The following NCOA2 variants were observed in gnomAD, a reference collection of about 807,000 sequenced individuals.
The protein encoded by NCOA2 is class E basic helix-loop-helix protein 75.
Under a neutral mutation model 145.1 loss-of-function variants are expected in NCOA2, and 21 were observed. That is an observed-to-expected ratio of 0.14 (90% CI 0.10 to 0.21). NCOA2 has a LOEUF of 0.21. Ranked by LOEUF, NCOA2 falls within the 10% of genes least tolerant of loss-of-function variation. NCOA2 has a pLI of 1.00. For missense variants in NCOA2, 1,472 were observed against 1,837.6 expected (o/e 0.80, Z 3.64); for synonymous variants, 619 against 637.5 (o/e 0.97, Z 0.44).
chr8:70,303,103 A>G (rs146992049), intron 1 of NCOA2, among the ~76,000 whole-genome samples: 2 of 152,198 alleles, frequency 1.3e-5, no homozygotes, highest in East Asian at 1.9e-4. Flanking sequence ...AATTAATCTC[A>G]TATCTGTAGT....
intron 1 of NCOA2, among the ~76,000 whole-genome samples, chr8:70,364,117 C>T (rs1450723644): frequency 2.6e-5 from 4 of 151,456 alleles, no homozygotes; most frequent in Admixed American, 2.6e-4. Flanking sequence ...AAGACAAGAA[C>T]TGAAAGCAGA....
At chr8:70,228,790 G>A (rs191390245) in intron 2 of NCOA2, among the ~76,000 whole-genome samples, 23 of 152,220 alleles carry the variant, frequency 1.5e-4, no homozygotes, top group African/African-American at 4.8e-4. Flanking sequence ...ATTGCTTGAC[G>A]CCTCAGAGAC....
At chr8:70,176,515 A>G (rs1563572307) in intron 4 of NCOA2, among the ~76,000 whole-genome samples, 1 of 152,142 alleles carries the variant, frequency 6.6e-6, no homozygotes, top group Non-Finnish European at 1.5e-5. Context: ...TGAGGCGGCA[A>G]ATACCTCAGG....
intron 2 of NCOA2, among the ~76,000 whole-genome samples, chr8:70,254,264 A>G (rs960825113): frequency 2.0e-5 from 3 of 152,224 alleles, no homozygotes; most frequent in African/African-American, 7.2e-5. Context: ...GAGGATGCAG[A>G]AAAACTAGAA....
intron 2 of NCOA2, among the ~76,000 whole-genome samples, chr8:70,267,300 T>C (rs547626588): frequency 6.6e-6 from 1 of 152,186 alleles, no homozygotes; most frequent in African/African-American, 2.4e-5. Flanking sequence ...CACTCATTCA[T>C]GAATCCAACA....
chr8:70,326,575 A>G (rs1806607123), intron 1 of NCOA2, among the ~76,000 whole-genome samples: 1 of 152,162 alleles, frequency 6.6e-6, no homozygotes, highest in African/African-American at 2.4e-5. Flanking sequence ...GGTTCACATG[A>G]GGAAAACTGA....
chr8:70,456,354 G>T, the NCOA2 span, among the ~76,000 whole-genome samples: 2 of 152,166 alleles, frequency 1.3e-5, no homozygotes, highest in Non-Finnish European at 2.9e-5. Context: ...AAAGGCTGTG[G>T]AAAGTGGTCT....
chr8:70,214,673 C>A (rs1312978297), intron 3 of NCOA2, among the ~76,000 whole-genome samples: 2 of 152,006 alleles, frequency 1.3e-5, no homozygotes, highest in Non-Finnish European at 2.9e-5. Flanking sequence ...ACTGTCCAAG[C>A]TGAATGACAT....
At chr8:70,429,169 G>A in the NCOA2 span, among the ~76,000 whole-genome samples, 1 of 152,200 alleles carries the variant, frequency 6.6e-6, no homozygotes, top group Non-Finnish European at 1.5e-5. Flanking sequence ...ATGTTTTGCA[G>A]CAATACTATA....
intron 1 of NCOA2, among the ~76,000 whole-genome samples, chr8:70,357,845 G>A (rs1357946087): frequency 6.6e-6 from 1 of 152,058 alleles, no homozygotes. Flanking sequence ...GAAGTCAGGA[G>A]TTCAATACCA....
rs1811470608 is a variant in NCOA2 at position 70,374,264 on chromosome 8, G to A, written c.-77+29436C>T. Among the ~76,000 whole-genome samples the A allele has an allele frequency of 1.3e-5, 2 of 152,072 alleles. 1 individual carries two copies. Among genetic ancestry groups the A allele is most frequent in the South Asian group, 4.1e-4 (2 of 4,832 alleles). On this transcript the variant is annotated intron_variant, in intron 1 of 22. Transcript: ENST00000452400. ...AGGTGGGCGGATCACCTGAGTTCAG[G>A]AGTTCGAGACCAGCCTGGCCAACAT...
At chr8:70,403,034 C>G (rs1176822781) in intron 1 of NCOA2, among the ~76,000 whole-genome samples, 2 of 148,314 alleles carry the variant, frequency 1.3e-5, no homozygotes, top group Non-Finnish European at 3.0e-5. Context: ...GGCCGCGGCT[C>G]CCCTTCCCCG....
intron 2 of NCOA2, among the ~76,000 whole-genome samples, chr8:70,225,834 A>G (rs1820583161): frequency 1.3e-5 from 2 of 152,304 alleles, no homozygotes; most frequent in African/African-American, 2.4e-5. Context: ...GGAAATCCCT[A>G]GAACACTACA....
chr8:70,292,750 G>A (rs1035643410), intron 2 of NCOA2, among the ~76,000 whole-genome samples: 7 of 152,226 alleles, frequency 4.6e-5, no homozygotes, highest in African/African-American at 1.7e-4. Context: ...AGAGAAAGGA[G>A]AGTTAATGGT....
chr8:70,311,120 GTTTT>G (rs890809968), intron 1 of NCOA2, among the ~76,000 whole-genome samples: 1 of 150,150 alleles, frequency 6.7e-6, no homozygotes, highest in South Asian at 2.1e-4. Flanking sequence ...TTATTTCCTA[GTTTT>G]TTTTTAAGTG....
At position 70,128,784 on chromosome 8, in the gene NCOA2, G is replaced by A. The variant is rs760489668; in HGVS notation, c.3521C>T (p.Pro1174Leu). ...SYATLRMQPR[P>L]GLRPTGLVQN... The stretch of plus-strand genomic sequence containing the variant: ...CACTAGGCCCGTGGGCCTGAGGCCC[G>A]GTCTGGGCTGCATACGGAGTGTGGC... Residue 1174 changes from proline to leucine, a missense_variant, in exon 17 of 23, where the codon CCG becomes CTG. Pro to Leu is a moderately conservative substitution (Grantham distance 98). This residue lies in a region of NCOA2 where 953 missense variants were observed against 1,062.1 expected (regional missense o/e 0.90). Coordinates refer to ENST00000452400, the MANE Select transcript of NCOA2 (RefSeq NM_006540.4). 15 of 1,613,942 alleles carry A rather than the reference G, an allele frequency of 9.3e-6. No homozygotes were observed. The highest frequency in any genetic ancestry group is 8.3e-5 in the Admixed American group (5 of 60,010).
At chr8:70,221,007 C>T (rs1820086934) in intron 2 of NCOA2, among the ~76,000 whole-genome samples, 2 of 152,126 alleles carry the variant, frequency 1.3e-5, no homozygotes, top group Non-Finnish European at 2.9e-5. Flanking sequence ...TTAGAAACGA[C>T]ACAGAAAGAG....
intron 1 of NCOA2, among the ~76,000 whole-genome samples, chr8:70,299,143 T>G (rs1352170184): frequency 6.6e-6 from 1 of 152,210 alleles, no homozygotes; most frequent in Non-Finnish European, 1.5e-5. Flanking sequence ...AACATCTAGA[T>G]ACCTTGGTGT....
At chr8:70,143,558 T>C (rs1430906957) in intron 13 of NCOA2, among the ~76,000 whole-genome samples, 3 of 152,228 alleles carry the variant, frequency 2.0e-5, no homozygotes, top group African/African-American at 7.2e-5. Context: ...GCATGACATA[T>C]GTGGCAGGCA....
Sources: gnomAD v4.1 joint callset for allele counts (sites outside exome capture counted in the v4.1 genomes callset) on GRCh38, gnomAD v4.1.1 for gene constraint, gnomAD v4.1.1 regional missense constraint, MANE v1.5 for transcripts, NCBI Gene and HGNC (gene_info 2026-07-23, HGNC 2026-07-21) for gene names.